Variants in MGMT observed in about 807,000 individuals in gnomAD.
The protein encoded by MGMT is methylated-DNA--protein-cysteine methyltransferase.
Under a neutral mutation model 15.9 loss-of-function variants are expected in MGMT, and 14 were observed. The observed-to-expected ratio is 0.88, with a 90% CI of 0.58 to 1.37. The LOEUF (loss-of-function observed/expected upper bound fraction) is 1.37, where lower values mean the gene tolerates loss of function less well. Among genes scored for constraint, MGMT ranks in the 40% most tolerant of loss-of-function variants. The pLI is 0.00. For synonymous variants in MGMT, 130 were observed against 118.2 expected, an observed-to-expected ratio of 1.10 and a Z score of -0.65; for missense variants, 282 against 268.1, an observed-to-expected ratio of 1.05 and a Z score of -0.36.
At chr10:129,517,169 G>C (rs1015294965) in intron 1 of MGMT, among the ~76,000 whole-genome samples, 2 of 152,226 alleles carry the variant, frequency 1.3e-5, no homozygotes, top group African/African-American at 4.8e-5. Flanking sequence ...AGCTCCGCTT[G>C]GGGGTTTCTG....
chr10:129,625,219 TA>T (rs1182905915), intron 2 of MGMT, among the ~76,000 whole-genome samples: 2 of 152,192 alleles, frequency 1.3e-5, no homozygotes, highest in African/African-American at 2.4e-5. Flanking sequence ...AATTGAAAAT[TA>T]AAAATCTTCC....
At position 129,633,505 on chromosome 10, in the gene MGMT, T is replaced by G. The variant is rs539360310; in HGVS notation, c.126-74390T>G. On this transcript the variant is annotated intron_variant, in intron 2 of 4. Transcript: ENST00000651593. ...GGATGAAGATCAAGGAATTTCCTGT[T>G]TTTTCTTGTCTGTATTTCAAATTTT... Among the ~76,000 whole-genome samples, 3 of 152,370 alleles carry G rather than the reference T, an allele frequency of 2.0e-5. No individual in the cohort carries two copies. The South Asian group carries it at 6.2e-4, about 32-fold the overall frequency.
At chr10:129,577,364 C>G (rs549121511) in intron 2 of MGMT, among the ~76,000 whole-genome samples, 3 of 152,218 alleles carry the variant, frequency 2.0e-5, no homozygotes, top group African/African-American at 7.2e-5. Flanking sequence ...CAGAACAGAG[C>G]CCTCAGAAAT....
intron 1 of MGMT, among the ~76,000 whole-genome samples, chr10:129,494,542 T>C (rs1845501653): frequency 6.6e-6 from 1 of 152,120 alleles, no homozygotes; most frequent in South Asian, 2.1e-4. Flanking sequence ...CCAACAGAAG[T>C]TTTTGCAATG....
At chr10:129,469,699 C>T (rs767059919) in intron 1 of MGMT, among the ~76,000 whole-genome samples, 4 of 152,068 alleles carry the variant, frequency 2.6e-5, no homozygotes, top group South Asian at 2.1e-4. Context: ...GGGGTCTTAC[C>T]GCAGAATATT....
At chr10:129,630,228 C>T (rs1047979217) in intron 2 of MGMT, among the ~76,000 whole-genome samples, 6 of 152,164 alleles carry the variant, frequency 3.9e-5, no homozygotes, top group Non-Finnish European at 5.9e-5. Context: ...TGGTGTTGTC[C>T]GTCCAGATGA....
chr10:129,635,786 A>G (rs1401658279), intron 2 of MGMT, among the ~76,000 whole-genome samples: 3 of 152,148 alleles, frequency 2.0e-5, no homozygotes, highest in Non-Finnish European at 4.4e-5. Flanking sequence ...GTTACTTCCA[A>G]AGGACTCTCA....
At chr10:129,614,565 G>A (rs1368047199) in intron 2 of MGMT, among the ~76,000 whole-genome samples, 1 of 152,220 alleles carries the variant, frequency 6.6e-6, no homozygotes, top group East Asian at 1.9e-4. Flanking sequence ...TTCTTTGGCA[G>A]CCGTTTCAAG....
intron 2 of MGMT, among the ~76,000 whole-genome samples, chr10:129,614,056 C>T (rs553347115): frequency 6.6e-6 from 1 of 152,314 alleles, no homozygotes; most frequent in East Asian, 1.9e-4. Flanking sequence ...TCCTCAGAGC[C>T]CCTCATCTTC....
At chr10:129,753,771 G>C (rs1036889172) in intron 3 of MGMT, among the ~76,000 whole-genome samples, 1 of 151,900 alleles carries the variant, frequency 6.6e-6, no homozygotes, top group Non-Finnish European at 1.5e-5. Flanking sequence ...TCAACTTTTG[G>C]GTCATCTCAG....
intron 2 of MGMT, among the ~76,000 whole-genome samples, chr10:129,585,234 G>A (rs1469898872): frequency 2.6e-5 from 4 of 152,150 alleles, no homozygotes; most frequent in African/African-American, 9.7e-5. Context: ...GGTAAGCAGG[G>A]TTTTTATTCA....
chr10:129,582,244 AC>A (rs1421737628), intron 2 of MGMT, among the ~76,000 whole-genome samples: 1 of 151,922 alleles, frequency 6.6e-6, no homozygotes, highest in Non-Finnish European at 1.5e-5. Flanking sequence ...CATGTACTCC[AC>A]CCCGCCTTCT....
chr10:129,588,938 A>C (rs2133052496), intron 2 of MGMT, among the ~76,000 whole-genome samples: 1 of 152,316 alleles, frequency 6.6e-6, no homozygotes, highest in Admixed American at 6.5e-5. Flanking sequence ...CCTCAGGGGG[A>C]GGGAAGCTGT....
intron 3 of MGMT, among the ~76,000 whole-genome samples, chr10:129,713,152 TAGG>T (rs1332859988): frequency 6.6e-6 from 1 of 152,152 alleles, no homozygotes; most frequent in African/African-American, 2.4e-5. Context: ...ATAGCTAAAA[TAGG>T]AGATGCATTT....
chr10:129,632,849 G>A (rs1847226476), intron 2 of MGMT, among the ~76,000 whole-genome samples: 1 of 152,042 alleles, frequency 6.6e-6, no homozygotes, highest in Non-Finnish European at 1.5e-5. Context: ...CTCATGCAGA[G>A]GAATACTTAG....
In MGMT at chr10:129,770,058, G is replaced by A. The variant is rs1266302371; in HGVS notation, c.*3061G>A. ...CTTACTGAACACCCCTCGGGTGGCT[G>A]GATGATGTGCTAGCAACTGAAACCA... On this transcript the variant is annotated 3_prime_UTR_variant, in exon 5 of 5. Coordinates refer to ENST00000651593, the MANE Select transcript of MGMT (RefSeq NM_002412.5). Among the ~76,000 whole-genome samples the A allele has an allele frequency of 6.6e-6, 1 of 152,112 alleles. No individual in the cohort carries two copies. Among genetic ancestry groups the A allele is most frequent in the Non-Finnish European group, 1.5e-5 (1 of 68,024 alleles).
At chr10:129,657,115 A>C (rs1847533171) in intron 2 of MGMT, among the ~76,000 whole-genome samples, 1 of 152,058 alleles carries the variant, frequency 6.6e-6, no homozygotes, top group Non-Finnish European at 1.5e-5. Context: ...TAGACTGCAA[A>C]TTGTGTTTCA....
chr10:129,724,001 C>G (rs988917752), intron 3 of MGMT, among the ~76,000 whole-genome samples: 1 of 152,204 alleles, frequency 6.6e-6, no homozygotes, highest in Non-Finnish European at 1.5e-5. Context: ...ACCCCGCTAC[C>G]CAACAATTCC....
At chr10:129,675,322 T>TGCAG (rs1039847684) in intron 2 of MGMT, among the ~76,000 whole-genome samples, 2 of 152,142 alleles carry the variant, frequency 1.3e-5, no homozygotes, top group Non-Finnish European at 2.9e-5. Context: ...GTTAGGCAGA[T>TGCAG]GCAGGCAGGC....
Sources: gnomAD v4.1 joint callset for allele counts (sites outside exome capture counted in the v4.1 genomes callset) on GRCh38, gnomAD v4.1.1 for gene constraint, MANE v1.5 for transcripts, NCBI Gene and HGNC (gene_info 2026-07-23, HGNC 2026-07-21) for gene names.